Variants in CERKL observed in about 807,000 individuals in gnomAD.
CERKL encodes the protein CERK like autophagy regulator.
In CERKL, 61 loss-of-function variants were observed where a neutral mutation model predicts 63.4. The observed-to-expected ratio is 0.96, with a 90% CI of 0.78 to 1.19. The LOEUF (loss-of-function observed/expected upper bound fraction) is 1.19, where lower values mean the gene tolerates loss of function less well. Among genes scored for constraint, CERKL ranks in the 50% most tolerant of loss-of-function variants. CERKL has a pLI of 0.00. For missense variants in CERKL, 675 were observed against 655.5 expected (o/e 1.03, Z -0.33); for synonymous variants, 250 against 230.5 (o/e 1.08, Z -0.77).
intron 11 of CERKL, among the ~76,000 whole-genome samples, chr2:181,544,075 G>GA (rs2105796112): frequency 6.6e-6 from 1 of 151,700 alleles, no homozygotes; most frequent in South Asian, 2.1e-4. Flanking sequence ...CACAATTTCA[G>GA]AAATTCACAT....
intron 4 of CERKL, among the ~76,000 whole-genome samples, chr2:181,559,836 A>C (rs1313050005): frequency 1.3e-5 from 2 of 152,086 alleles, no homozygotes; most frequent in Non-Finnish European, 2.9e-5. Flanking sequence ...TCGGCCATCT[A>C]TTCCCTCTAG....
intron 2 of CERKL, among the ~76,000 whole-genome samples, chr2:181,579,227 T>G (rs1266463887): frequency 6.6e-6 from 1 of 151,936 alleles, no homozygotes; most frequent in African/African-American, 2.4e-5. Context: ...AATTTTTCTC[T>G]TATTACTACC....
At chr2:181,612,892 T>G (rs1686027449) in intron 1 of CERKL, among the ~76,000 whole-genome samples, 2 of 152,180 alleles carry the variant, frequency 1.3e-5, no homozygotes, top group African/African-American at 4.8e-5. Flanking sequence ...TTTTTCTGAT[T>G]CATATGGAAA....
intron 2 of CERKL, among the ~76,000 whole-genome samples, chr2:181,602,444 T>C (rs1459716051): frequency 6.6e-6 from 1 of 152,252 alleles, no homozygotes; most frequent in East Asian, 1.9e-4. Flanking sequence ...GATTCACTAT[T>C]AAAGTGCTTT....
At chr2:181,629,989 C>T (rs1042873679) in intron 1 of CERKL, among the ~76,000 whole-genome samples, 1 of 150,222 alleles carries the variant, frequency 6.7e-6, no homozygotes, top group Non-Finnish European at 1.5e-5. Flanking sequence ...CACAAGAAGC[C>T]TCACCTCACT....
At position 181,538,124 on chromosome 2, in the gene CERKL, G is replaced by A. The variant is rs1687274830; in HGVS notation, c.*60C>T. ...GGTGGGGACCACAGGTTTAAAGCAT[G>A]GCCACATTTCTTTATATTAAAATTC... On this transcript the variant is annotated 3_prime_UTR_variant, in exon 13 of 13. Transcript: ENST00000410087. The A allele has an allele frequency of 8.5e-7, 1 of 1,179,536 alleles. No individual in the cohort carries two copies. The highest frequency in any genetic ancestry group is 2.3e-5 in the East Asian group (1 of 42,556). 73.1% of individuals were successfully genotyped at this position (1,179,536 alleles called of 1,614,324 possible). A position where few individuals can be genotyped will look rare whatever the true frequency, so the allele number is the denominator to read the frequency against.
In CERKL at chr2:181,551,710, T is replaced by A. The variant is rs1039293065; in HGVS notation, c.821-2002A>T. Among the ~76,000 whole-genome samples the A allele has an allele frequency of 2.8e-4, 42 of 152,232 alleles. 1 individual carries two copies. The highest frequency in any genetic ancestry group is 2.6e-4 in the Non-Finnish European group (18 of 67,974). ...CTTTTACACTGTTGGTGTAATGAGATATCTGGGGGGTGGGACCCAAGTCTA... is the reference window on the plus strand; with the variant it reads ...CTTTTACACTGTTGGTGTAATGAGAAATCTGGGGGGTGGGACCCAAGTCTA... On this transcript the variant is annotated intron_variant, in intron 5 of 12. Transcript: ENST00000410087.
At chr2:181,615,229 C>T (rs1686140977) in intron 1 of CERKL, among the ~76,000 whole-genome samples, 1 of 152,172 alleles carries the variant, frequency 6.6e-6, no homozygotes. Context: ...ATAACCTCTC[C>T]TGGCAGGTTA....
intron 4 of CERKL, among the ~76,000 whole-genome samples, chr2:181,562,393 C>A (rs1005789266): frequency 6.6e-6 from 1 of 152,140 alleles, no homozygotes; most frequent in African/African-American, 2.4e-5. Flanking sequence ...GTTCTCAGGA[C>A]CCCCCTGGGG....
At chr2:181,653,141 A>G (rs567964163) in intron 1 of CERKL, among the ~76,000 whole-genome samples, 10 of 152,250 alleles carry the variant, frequency 6.6e-5, no homozygotes, top group Non-Finnish European at 1.5e-4. Flanking sequence ...TAAATGATCA[A>G]CAGGTGCATT....
intron 3 of CERKL, among the ~76,000 whole-genome samples, chr2:181,573,003 T>A (rs1341049862): frequency 6.6e-6 from 1 of 152,114 alleles, no homozygotes; most frequent in Non-Finnish European, 1.5e-5. Flanking sequence ...ATACTTTTCA[T>A]CAATTAAAAT....
chr2:181,539,412 CTTT>C (rs1197797565), intron 11 of CERKL, 148 bp from the exon 12 acceptor site: 3 of 589,918 alleles, frequency 5.1e-6, no homozygotes, highest in African/African-American at 3.7e-5. Context: ...GGATCTCCAA[CTTT>C]TTTTGGAAGA....
At position 181,558,569 on chromosome 2, in the gene CERKL, C is replaced by T; in HGVS notation, c.817G>A (p.Ala273Thr). The change falls in exon 5 of 13, where the codon GCA becomes ACA. Residue 273 changes from alanine (A) to threonine (T), a missense_variant. By Grantham distance (58) the Ala-to-Thr change is moderately conservative (BLOSUM62 0). Coordinates refer to ENST00000410087, the MANE Select transcript of CERKL (RefSeq NM_201548.5). The surrounding 1 kb of genome is among the most constrained non-coding windows in gnomAD (Gnocchi z 4.2). The part of the protein sequence containing the change: ...RAQLPLGLIP[A>T]GSTNVLAHSL... Reference sequence around the variant, plus strand: ...GAATCTGTAGCCACTCCCTTGCCTGCTGGTATTAAGCCAAGTGGAAGCTGT... The same window carrying T: ...GAATCTGTAGCCACTCCCTTGCCTGTTGGTATTAAGCCAAGTGGAAGCTGT... 3.7e-6 allele frequency: 6 copies of T among 1,613,454 alleles called. No homozygotes were observed. The highest frequency in any genetic ancestry group is 5.1e-6 in the Non-Finnish European group (6 of 1,179,730).
intron 3 of CERKL, among the ~76,000 whole-genome samples, chr2:181,571,632 G>A (rs529207503): frequency 1.6e-3 from 249 of 152,192 alleles, no homozygotes; most frequent in Non-Finnish European, 2.8e-3. Flanking sequence ...GCTGAGTGCA[G>A]CTTAAGGATC....
At chr2:181,646,356 C>A (rs748094589) in intron 1 of CERKL, among the ~76,000 whole-genome samples, 12 of 152,180 alleles carry the variant, frequency 7.9e-5, no homozygotes, top group Non-Finnish European at 1.6e-4. Context: ...CAAGCTAATT[C>A]TAGTTATCCT....
chr2:181,575,387 G>A (rs186992310), intron 2 of CERKL, among the ~76,000 whole-genome samples: 1 of 152,192 alleles, frequency 6.6e-6, no homozygotes, highest in African/African-American at 2.4e-5. Context: ...GCTAAGTACT[G>A]GGAAGAAGGG....
In CERKL at chr2:181,604,827, G is replaced by A. The variant is rs115336547; in HGVS notation, c.239-748C>T. Among the ~76,000 whole-genome samples, 369 of 151,568 alleles carry A rather than the reference G, an allele frequency of 2.4e-3. 4 individuals are homozygous for A. Among genetic ancestry groups the A allele is most frequent in the African/African-American group, 8.5e-3 (348 of 41,038 alleles). ...CATTATAAACTCTGTCAATCTAGGA[G>A]GAAATAGCCCCCTGAATTTAACCAT... On this transcript the variant is annotated intron_variant, in intron 1 of 12. Coordinates refer to ENST00000410087, the MANE Select transcript of CERKL (RefSeq NM_201548.5).
intron 5 of CERKL, among the ~76,000 whole-genome samples, chr2:181,556,244 TTA>T (rs58907861): frequency 6.7e-5 from 10 of 150,332 alleles, no homozygotes; most frequent in Middle Eastern, 3.5e-3. Flanking sequence ...AGGCTGTATA[TTA>T]TATATATATA....
chr2:181,553,938 A>T (rs565220801), intron 5 of CERKL, among the ~76,000 whole-genome samples: 1 of 152,276 alleles, frequency 6.6e-6, no homozygotes, highest in South Asian at 2.1e-4. Flanking sequence ...TGCTCACATA[A>T]ATAACAATGG....
Sources: gnomAD v4.1 joint callset for allele counts (sites outside exome capture counted in the v4.1 genomes callset) on GRCh38, gnomAD v4.1.1 for gene constraint, Gnocchi (gnomAD v3.1) non-coding constraint, MANE v1.5 for transcripts, NCBI Gene and HGNC (gene_info 2026-07-23, HGNC 2026-07-21) for gene names.